The following KIF26B variants were observed in gnomAD, a reference collection of about 807,000 sequenced individuals.
KIF26B encodes kinesin-like protein KIF26B.
In KIF26B, 63 loss-of-function variants were observed where a neutral mutation model predicts 151.2. The observed-to-expected ratio is 0.42, with a 90% CI of 0.34 to 0.51. The LOEUF (loss-of-function observed/expected upper bound fraction) is 0.51. Among genes scored for constraint, KIF26B ranks in the 20% least tolerant of loss-of-function variants. The pLI, the probability that KIF26B is intolerant of heterozygous loss-of-function variation, is 0.07. For missense variants in KIF26B, 2,813 were observed against 2,913.6 expected (o/e 0.97, Z 0.79); for synonymous variants, 1,357 against 1,262.1 (o/e 1.08, Z -1.59).
At chr1:245,665,130 T>G (rs1572187395) in intron 10 of KIF26B, among the ~76,000 whole-genome samples, 2 of 152,214 alleles carry the variant, frequency 1.3e-5, no homozygotes, top group African/African-American at 4.8e-5. Flanking sequence ...AATTTCACAT[T>G]TTAATCTTCT....
At chr1:245,478,513 C>T (rs1018637882) in intron 4 of KIF26B, among the ~76,000 whole-genome samples, 1 of 147,804 alleles carries the variant, frequency 6.8e-6, no homozygotes, top group Non-Finnish European at 1.5e-5. Flanking sequence ...CTGCAAGCTC[C>T]GCCTCCCGGG....
intron 5 of KIF26B, among the ~76,000 whole-genome samples, chr1:245,561,999 C>T (rs902427900): frequency 3.3e-5 from 5 of 152,120 alleles, no homozygotes; most frequent in African/African-American, 9.7e-5. Flanking sequence ...GTGGTTTCTC[C>T]CAGGGCCGTT....
chr1:245,394,281 A>G (rs1392927008), intron 3 of KIF26B, among the ~76,000 whole-genome samples: 1 of 152,204 alleles, frequency 6.6e-6, no homozygotes, highest in Non-Finnish European at 1.5e-5. Flanking sequence ...GCAGTGCTCC[A>G]TGCATGTATT....
intron 2 of KIF26B, among the ~76,000 whole-genome samples, chr1:245,160,859 G>A (rs1668519850): frequency 6.6e-6 from 1 of 152,182 alleles, no homozygotes; most frequent in Non-Finnish European, 1.5e-5. Flanking sequence ...GACCAAGTAA[G>A]TCTAGACTTG....
intron 10 of KIF26B, among the ~76,000 whole-genome samples, chr1:245,683,368 G>A (rs1412324022): frequency 6.6e-6 from 1 of 152,216 alleles, no homozygotes; most frequent in African/African-American, 2.4e-5. Context: ...TTTGGCAGCA[G>A]TTGAGAGTAT....
rs535704753 is a variant in KIF26B, at chr1:245,433,730, CT to C, written c.1166+13993del. On this transcript the variant is annotated intron_variant, in intron 4 of 14. Transcript: ENST00000407071. ...CTTAGCATCACATGGCAATTAGATG[CT>C]TTTTTTTCTGGCACCTGGTGTGCTT... Among the ~76,000 whole-genome samples the C allele has an allele frequency of 9.5e-4, 145 of 152,038 alleles. No individual in the cohort carries two copies. The East Asian group carries it at 0.021, about 22-fold the overall frequency.
chr1:245,271,190 A>G (rs1043398772), intron 2 of KIF26B, among the ~76,000 whole-genome samples: 1 of 152,100 alleles, frequency 6.6e-6, no homozygotes, highest in African/African-American at 2.4e-5. Flanking sequence ...AAGTGTGAAA[A>G]TTCTAGCTTT....
chr1:245,594,227 C>T (rs2043318602), intron 5 of KIF26B, among the ~76,000 whole-genome samples: 1 of 152,170 alleles, frequency 6.6e-6, no homozygotes, highest in Non-Finnish European at 1.5e-5. Context: ...GTGTTTTAGA[C>T]ATGAAGTCTT....
intron 4 of KIF26B, among the ~76,000 whole-genome samples, chr1:245,520,533 CA>C (rs1661070455): frequency 6.7e-6 from 1 of 150,010 alleles, no homozygotes; most frequent in African/African-American, 2.5e-5. Flanking sequence ...TCCATCCATC[CA>C]TCCATCCACC....
intron 9 of KIF26B, among the ~76,000 whole-genome samples, chr1:245,621,354 G>A (rs904989974): frequency 3.9e-5 from 6 of 152,098 alleles, no homozygotes; most frequent in African/African-American, 1.4e-4. Flanking sequence ...GTAAAATGGG[G>A]CTAATTTCTG....
intron 5 of KIF26B, among the ~76,000 whole-genome samples, chr1:245,555,423 A>G (rs1056782628): frequency 4.6e-5 from 7 of 152,094 alleles, no homozygotes; most frequent in African/African-American, 1.7e-4. Context: ...TCTTCATTTC[A>G]GGCCAGCTTT....
rs185850693 is a variant in KIF26B, at chr1:245,272,497, T to C, written c.466-94337T>C. Among the ~76,000 whole-genome samples the C allele has an allele frequency of 2.0e-5, 3 of 151,594 alleles. No homozygotes were observed. In the East Asian group the frequency reaches 5.8e-4, roughly 29 times the overall value. On this transcript the variant is annotated intron_variant, in intron 2 of 14. Transcript: ENST00000407071. ...TTGGTTGTTTCTTTTTTCTATTGTT[T>C]TTATATTTTCTATTTCATTTCTTTC... is the stretch of plus-strand genomic sequence containing the variant.
intron 3 of KIF26B, among the ~76,000 whole-genome samples, chr1:245,383,349 T>A (rs1040476100): frequency 6.6e-6 from 1 of 152,110 alleles, no homozygotes; most frequent in Non-Finnish European, 1.5e-5. Context: ...GGTATCCGTG[T>A]GTTTTTAGCA....
intron 10 of KIF26B, among the ~76,000 whole-genome samples, chr1:245,679,163 C>A (rs76813690): frequency 0.017 from 2,643 of 152,210 alleles, 53 homozygotes; most frequent in East Asian, 0.052. Context: ...CCACTCAACT[C>A]TTATTGTAGC....
chr1:245,594,565 G>T (rs1163719518), intron 5 of KIF26B, among the ~76,000 whole-genome samples: 1 of 152,068 alleles, frequency 6.6e-6, no homozygotes, highest in Admixed American at 6.6e-5. Flanking sequence ...GTTTTGGTTA[G>T]TGTAGCCTTG....
chr1:245,410,932 C>T (rs1464769921), intron 3 of KIF26B, among the ~76,000 whole-genome samples: 1 of 110,700 alleles, frequency 9.0e-6, no homozygotes, highest in African/African-American at 3.0e-5. Flanking sequence ...ATGAATTTGA[C>T]TATTTTAGGT....
chr1:245,404,208 G>GT (rs1303460385), intron 3 of KIF26B, among the ~76,000 whole-genome samples: 3 of 92,844 alleles, frequency 3.2e-5, no homozygotes, highest in African/African-American at 1.7e-4. Flanking sequence ...CAACAAGACT[G>GT]ATTTTTTTTT....
intron 6 of KIF26B, among the ~76,000 whole-genome samples, chr1:245,605,916 C>A (rs957200076): frequency 6.6e-6 from 1 of 152,182 alleles, no homozygotes; most frequent in African/African-American, 2.4e-5. Context: ...TCCCAGGTGG[C>A]TCAAGAATCA....
chr1:245,609,285 C>A lies in KIF26B; in HGVS notation c.1671C>A (p.Ile557=). 7.5e-6 allele frequency: 12 copies of A among 1,605,948 alleles called. No individual in the cohort carries two copies. The highest frequency in any genetic ancestry group is 7.7e-6 in the Non-Finnish European group (9 of 1,175,388). The change falls in exon 8 of 15, where the codon ATC becomes ATA. Residue 557 remains isoleucine (I), a synonymous_variant. Coordinates refer to ENST00000407071, the MANE Select transcript of KIF26B (RefSeq NM_018012.4). ...HAKLGKSYTM[I]GKDDSMQNLG... is the part of the protein sequence containing the mutation. ...TCCCAGGAAAATCCTACACCATGAT[C>A]GGAAAGGATGATTCCATGCAGAACC... is the stretch of plus-strand genomic sequence containing the variant.
Sources: gnomAD v4.1 joint callset for allele counts (sites outside exome capture counted in the v4.1 genomes callset) on GRCh38, gnomAD v4.1.1 for gene constraint, MANE v1.5 for transcripts, NCBI Gene and HGNC (gene_info 2026-07-23, HGNC 2026-07-21) for gene names.